ACAA2: variants seen among roughly 807,000 people sequenced by gnomAD.
ACAA2 encodes the protein 3-ketoacyl-CoA thiolase, mitochondrial.
Under a neutral mutation model 44.8 loss-of-function variants are expected in ACAA2, and 35 were observed. That is an observed-to-expected ratio of 0.78 (90% confidence interval 0.60 to 1.04). The LOEUF is 1.04. Ranked by LOEUF, ACAA2 falls within the 50% of genes least tolerant of loss-of-function variation. The pLI is 0.00. For missense variants in ACAA2, 468 were observed against 482.6 expected (o/e 0.97, Z 0.28); for synonymous variants, 142 against 166.5 (o/e 0.85, Z 1.13).
intron 2 of ACAA2, among the ~76,000 whole-genome samples, chr18:49,799,756 A>G (rs1340946966): frequency 6.7e-6 from 1 of 148,358 alleles, no homozygotes; most frequent in Non-Finnish European, 1.5e-5. Context: ...CCGCCATCCC[A>G]TCTAGGAAGT....
rs2023293461 is a variant in ACAA2, at chr18:49,783,810, A to G, written c.*37T>C. The G allele has an allele frequency of 1.3e-6, 2 of 1,578,624 alleles. No homozygotes were observed. Among genetic ancestry groups the G allele is most frequent in the African/African-American group, 1.3e-5 (1 of 74,130 alleles). Reference sequence around the variant, plus strand: ...TTGTTTTACTGTGGCCTGGCCAAGTAGAGTAAGGATGGGTCACAGTGAGCT... The same window carrying G: ...TTGTTTTACTGTGGCCTGGCCAAGTGGAGTAAGGATGGGTCACAGTGAGCT... On this transcript the variant is annotated 3_prime_UTR_variant, in exon 10 of 10. Transcript: ENST00000285093.
chr18:49,804,147 G>C (rs2023587777), intron 1 of ACAA2, among the ~76,000 whole-genome samples: 1 of 151,972 alleles, frequency 6.6e-6, no homozygotes, highest in Non-Finnish European at 1.5e-5. Context: ...CTGACCTCAG[G>C]GGATCCACCC....
At chr18:49,798,443 C>G (rs1483802388) in intron 2 of ACAA2, among the ~76,000 whole-genome samples, 2 of 151,620 alleles carry the variant, frequency 1.3e-5, no homozygotes, top group Non-Finnish European at 1.5e-5. Context: ...TGTTGCTAGT[C>G]CAAGAACCAC....
At chr18:49,786,128 C>G (rs1486371795) in intron 8 of ACAA2, 1 of 151,822 alleles carries the variant, frequency 6.6e-6, no homozygotes, top group African/African-American at 2.4e-5. Context: ...GGATAAAATT[C>G]AGTCTTGTGC....
rs138038455 is a variant in ACAA2 at position 49,792,694 on chromosome 18, C to T, written c.578-367G>A. On this transcript the variant is annotated intron_variant, in intron 5 of 9. Coordinates refer to ENST00000285093, the MANE Select transcript of ACAA2 (RefSeq NM_006111.3). Reference sequence around the variant, plus strand: ...AACTCACCACCTCGTGATCCACCCTCCTTGACCTCCCAAAGTGCTGGGATT... The same window carrying T: ...AACTCACCACCTCGTGATCCACCCTTCTTGACCTCCCAAAGTGCTGGGATT... 1.7e-3 allele frequency among the ~76,000 whole-genome samples: 252 copies of T among 152,268 alleles called. 2 individuals carry two copies. In the East Asian group the frequency reaches 0.04, roughly 24 times the overall value.
chr18:49,808,030 AG>A lies in ACAA2; in HGVS notation c.17-5178del. On this transcript the variant is annotated intron_variant, in intron 1 of 9. Coordinates refer to ENST00000285093, the MANE Select transcript of ACAA2 (RefSeq NM_006111.3). ...GCAACCCAATTTAAAAATGGGCAAA[AG>A]ATCTGAACAGATACCTTACTAAAGA... Among the ~76,000 whole-genome samples, 3 of 152,306 alleles carry A rather than the reference AG, an allele frequency of 2.0e-5. 1 individual carries two copies. Among genetic ancestry groups the A allele is most frequent in the Middle Eastern group, 6.8e-3 (2 of 294 alleles).
intron 2 of ACAA2, among the ~76,000 whole-genome samples, chr18:49,799,583 C>T (rs547212018): frequency 1.9e-4 from 29 of 152,204 alleles, no homozygotes; most frequent in South Asian, 6.2e-4. Context: ...ACCTCCCAGC[C>T]GCCTGCCTTG....
At chr18:49,785,041 G>A (rs2023311865) in intron 9 of ACAA2, among the ~76,000 whole-genome samples, 156 bp downstream of exon 9, 1 of 152,208 alleles carries the variant, frequency 6.6e-6, no homozygotes, top group South Asian at 2.1e-4. Context: ...TATGAGACCA[G>A]ATGAAAAGCA....
chr18:49,788,205 G>A (rs866714518), intron 7 of ACAA2, among the ~76,000 whole-genome samples: 3 of 152,088 alleles, frequency 2.0e-5, no homozygotes, highest in South Asian at 2.1e-4. Flanking sequence ...AAAAATTTGG[G>A]TAGAGAAGAT....
rs774333318 is a variant in ACAA2 at position 49,791,475 on chromosome 18, C to G, written c.878G>C (p.Gly293Ala). Residue 293 changes from glycine to alanine, a missense_variant, in exon 7 of 10, where the codon GGT becomes GCT. Gly to Ala is a moderately conservative substitution (Grantham distance 60). Transcript: ENST00000285093. Reference sequence around the variant, plus strand: ...TTGTTTTACTATAAACTTACCAATACCCATGATAGAGGGATCACATCCAGA... The same window carrying G: ...TTGTTTTACTATAAACTTACCAATAGCCATGATAGAGGGATCACATCCAGA... Reference protein sequence around the residue: ...FVSGCDPSIMGIGPVPAISGA... With the variant: ...FVSGCDPSIMAIGPVPAISGA... 1 of 1,611,006 alleles carries G rather than the reference C, an allele frequency of 6.2e-7. No homozygotes were observed. The highest frequency in any genetic ancestry group is 1.1e-5 in the South Asian group (1 of 90,820).
At chr18:49,805,272 A>G (rs1430062635) in intron 1 of ACAA2, among the ~76,000 whole-genome samples, 1 of 152,230 alleles carries the variant, frequency 6.6e-6, no homozygotes, top group African/African-American at 2.4e-5. Flanking sequence ...CAAACAAACC[A>G]AGCCTAGCCT....
chr18:49,801,814 A>ATATATATATCTCTC (rs1491158195), intron 2 of ACAA2, among the ~76,000 whole-genome samples: 18 of 134,998 alleles, frequency 1.3e-4, no homozygotes, highest in African/African-American at 4.4e-4. Context: ...ATATATATAT[A>ATATATATATCTCTC]TCTTATCTTT....
chr18:49,788,566 T>C (rs1409526365), intron 7 of ACAA2, among the ~76,000 whole-genome samples: 1 of 152,222 alleles, frequency 6.6e-6, no homozygotes, highest in African/African-American at 2.4e-5. Context: ...TCTCTTTGTA[T>C]GTCTAAAGCA....
At chr18:49,803,580 C>G (rs889554073) in intron 1 of ACAA2, among the ~76,000 whole-genome samples, 8 of 152,182 alleles carry the variant, frequency 5.3e-5, no homozygotes, top group South Asian at 2.1e-4. Flanking sequence ...GACTGTGGCT[C>G]GTCCTGCTAC....
intron 6 of ACAA2, 23 bp downstream of exon 6, chr18:49,792,129 C>CTAATCT (rs2023408829): frequency 6.3e-7 from 1 of 1,595,586 alleles, no homozygotes; most frequent in Non-Finnish European, 8.6e-7. Flanking sequence ...AGAATTCAAG[C>CTAATCT]TAATCTGTGT....
chr18:49,801,895 A>T (rs1225297737), intron 2 of ACAA2, among the ~76,000 whole-genome samples: 2 of 150,956 alleles, frequency 1.3e-5, no homozygotes, highest in African/African-American at 4.9e-5. Context: ...CTAACTAGGT[A>T]TCCAACAAAT....
At chr18:49,789,587 T>C (rs1158337074) in intron 7 of ACAA2, among the ~76,000 whole-genome samples, 1 of 152,182 alleles carries the variant, frequency 6.6e-6, no homozygotes, top group African/African-American at 2.4e-5. Flanking sequence ...CCAGAACCTA[T>C]TAAATAAAGT....
chr18:49,785,373 C>G (rs369125943), intron 8 of ACAA2, 22 bp from the exon 9 acceptor site: 11 of 1,610,344 alleles, frequency 6.8e-6, no homozygotes, highest in African/African-American at 1.3e-5. Flanking sequence ...AATTAGAGCA[C>G]TAACAAAAAT....
chr18:49,788,535 C>T (rs140860507), intron 7 of ACAA2, among the ~76,000 whole-genome samples: 4 of 149,612 alleles, frequency 2.7e-5, no homozygotes, highest in Non-Finnish European at 4.4e-5. Context: ...TACTGATTTA[C>T]TACAGGATCT....
Sources: allele counts gnomAD v4.1 joint callset (sites outside exome capture counted in the v4.1 genomes callset), GRCh38; gene constraint gnomAD v4.1.1; transcripts MANE v1.5; gene names NCBI Gene and HGNC (gene_info 2026-07-23, HGNC 2026-07-21).